DYNC1I1: variants seen among roughly 807,000 people sequenced by gnomAD.
The protein encoded by DYNC1I1 is dynein cytoplasmic 1 intermediate chain 1.
A neutral mutation model predicts 86.6 loss-of-function variants in DYNC1I1; 43 were observed. The observed-to-expected ratio is 0.50, with a 90% CI of 0.39 to 0.64. The LOEUF (loss-of-function observed/expected upper bound fraction) is 0.64. DYNC1I1 is among the 30% of genes least tolerant of loss of function. DYNC1I1 has a pLI of 0.00. For missense variants in DYNC1I1, 604 were observed against 788.8 expected, an observed-to-expected ratio of 0.77 and a Z score of 2.81; for synonymous variants, 262 against 283.7, an observed-to-expected ratio of 0.92 and a Z score of 0.77.
intron 14 of DYNC1I1, among the ~76,000 whole-genome samples, chr7:96,070,339 A>G (rs569353170): frequency 5.3e-4 from 81 of 152,140 alleles, no homozygotes; most frequent in African/African-American, 1.9e-3. Context: ...TGTGAGCCTG[A>G]AGTTTTGGGG....
chr7:95,811,689 C>A (rs1214752451), intron 3 of DYNC1I1, among the ~76,000 whole-genome samples: 2 of 152,052 alleles, frequency 1.3e-5, no homozygotes, highest in East Asian at 1.9e-4. Flanking sequence ...AGATTAGATT[C>A]TTTGGTTTAA....
intron 4 of DYNC1I1, among the ~76,000 whole-genome samples, chr7:95,826,473 G>A (rs1795205908): frequency 6.6e-6 from 1 of 152,154 alleles, no homozygotes; most frequent in South Asian, 2.1e-4. Flanking sequence ...TTTAATCCTT[G>A]TAGAAAACCA....
At chr7:96,072,389 A>C (rs150303377) in intron 14 of DYNC1I1, among the ~76,000 whole-genome samples, 3 of 152,344 alleles carry the variant, frequency 2.0e-5, no homozygotes, top group African/African-American at 7.2e-5. Context: ...GTTTGCTGAT[A>C]CTGAACATGA....
chr7:95,914,145 A>G (rs1791409862), intron 6 of DYNC1I1, among the ~76,000 whole-genome samples: 1 of 152,232 alleles, frequency 6.6e-6, no homozygotes, highest in East Asian at 1.9e-4. Context: ...ACTCCTGGAA[A>G]AACAATTCAA....
chr7:95,794,379 A>G (rs1195052645), intron 1 of DYNC1I1, among the ~76,000 whole-genome samples: 2 of 152,218 alleles, frequency 1.3e-5, no homozygotes, highest in African/African-American at 4.8e-5. Context: ...TCTTGAAGGA[A>G]GATACTCTAA....
At chr7:95,846,352 G>A (rs982872584) in intron 5 of DYNC1I1, among the ~76,000 whole-genome samples, 5 of 152,080 alleles carry the variant, frequency 3.3e-5, no homozygotes, top group African/African-American at 9.7e-5. Flanking sequence ...GAAATTCAAA[G>A]CTAACCCTTT....
chr7:95,971,822 A>G (rs186823239), intron 6 of DYNC1I1, among the ~76,000 whole-genome samples: 3 of 152,274 alleles, frequency 2.0e-5, no homozygotes, highest in East Asian at 3.9e-4. Flanking sequence ...GCCTTCTGCT[A>G]TGGGCAGCAG....
chr7:95,921,589 A>C (rs1791611123), intron 6 of DYNC1I1, among the ~76,000 whole-genome samples: 1 of 152,092 alleles, frequency 6.6e-6, no homozygotes, highest in South Asian at 2.1e-4. Flanking sequence ...GGGGTCTTTG[A>C]GGAGCCAGTG....
chr7:96,079,550 C>A (rs965197955), intron 15 of DYNC1I1, among the ~76,000 whole-genome samples: 1 of 152,156 alleles, frequency 6.6e-6, no homozygotes, highest in Non-Finnish European at 1.5e-5. Flanking sequence ...ACAAATACTA[C>A]AGGTTCCATT....
intron 10 of DYNC1I1, among the ~76,000 whole-genome samples, chr7:96,014,275 A>G (rs976076909): frequency 6.6e-6 from 1 of 152,188 alleles, no homozygotes; most frequent in Non-Finnish European, 1.5e-5. Context: ...AGTCCCATGA[A>G]CAAAGTGACA....
chr7:95,789,790 A>C (rs1794245061), intron 1 of DYNC1I1, among the ~76,000 whole-genome samples: 1 of 152,256 alleles, frequency 6.6e-6, no homozygotes, highest in Admixed American at 6.5e-5. Flanking sequence ...TTTAGAATTA[A>C]AAATTTTTCA....
At chr7:96,035,584 A>T in intron 12 of DYNC1I1, 35 bp from the exon 13 acceptor site, 7 of 1,544,242 alleles carry the variant, frequency 4.5e-6, no homozygotes, top group Non-Finnish European at 6.1e-6. Flanking sequence ...CAAGGAGTTG[A>T]CAGATGGAAA....
chr7:95,931,632 T>G (rs1236162450), intron 6 of DYNC1I1, among the ~76,000 whole-genome samples: 1 of 152,216 alleles, frequency 6.6e-6, no homozygotes, highest in Non-Finnish European at 1.5e-5. Context: ...CCCTACCTGT[T>G]TTTGTAAATA....
intron 7 of DYNC1I1, among the ~76,000 whole-genome samples, chr7:95,984,373 A>G (rs528705709): frequency 4.6e-5 from 7 of 152,334 alleles, no homozygotes; most frequent in Admixed American, 4.6e-4. Context: ...AAGGAAAGGT[A>G]CTATGAGGAT....
intron 16 of DYNC1I1, among the ~76,000 whole-genome samples, chr7:96,085,657 C>A (rs900522317): frequency 2.0e-5 from 3 of 152,160 alleles, no homozygotes; most frequent in Non-Finnish European, 4.4e-5. Context: ...ACAGAGAAGA[C>A]CCCTTTTTAT....
intron 1 of DYNC1I1, among the ~76,000 whole-genome samples, chr7:95,795,728 C>A (rs981071437): frequency 1.3e-5 from 2 of 151,684 alleles, no homozygotes; most frequent in Non-Finnish European, 2.9e-5. Flanking sequence ...ACACACTGGG[C>A]TCTGTTGAAG....
intron 4 of DYNC1I1, chr7:95,818,610 T>G (rs1338507807): frequency 5.1e-6 from 3 of 589,372 alleles, no homozygotes; most frequent in South Asian, 2.3e-5. Flanking sequence ...CCTCCCAAAG[T>G]GCTGAGATTA....
chr7:95,895,557 T>C (rs1790860328), intron 6 of DYNC1I1, among the ~76,000 whole-genome samples: 1 of 152,226 alleles, frequency 6.6e-6, no homozygotes, highest in African/African-American at 2.4e-5. Flanking sequence ...TGTACATTCA[T>C]TAGCAGTTCC....
intron 6 of DYNC1I1, among the ~76,000 whole-genome samples, chr7:95,963,444 A>G (rs542631826): frequency 6.6e-6 from 1 of 152,318 alleles, no homozygotes; most frequent in South Asian, 2.1e-4. Flanking sequence ...ATTATAATGA[A>G]TAGAAGAATT....
Sources: gnomAD v4.1 joint callset for allele counts (sites outside exome capture counted in the v4.1 genomes callset) on GRCh38, gnomAD v4.1.1 for gene constraint, MANE v1.5 for transcripts, NCBI Gene and HGNC (gene_info 2026-07-23, HGNC 2026-07-21) for gene names.